PHF2: variants seen among roughly 807,000 people sequenced by gnomAD.
The protein encoded by PHF2 is PHD finger protein 2.
Under a neutral mutation model 120.5 loss-of-function variants are expected in PHF2, and 27 were observed. The observed-to-expected ratio is 0.22, with a 90% CI of 0.17 to 0.31. PHF2 has a LOEUF of 0.31. Among genes scored for constraint, PHF2 ranks in the 10% least tolerant of loss-of-function variants. PHF2 has a pLI of 1.00. For missense variants in PHF2, 1,024 were observed against 1,434.8 expected (o/e 0.71, Z 4.63); for synonymous variants, 568 against 592.5 (o/e 0.96, Z 0.60).
intron 5 of PHF2, among the ~76,000 whole-genome samples, chr9:93,652,717 TGACGTGGCCAGGG>T (rs1268882065): frequency 6.6e-6 from 1 of 152,234 alleles, no homozygotes; most frequent in East Asian, 1.9e-4. Flanking sequence ...GACAGTGACT[TGACGTGGCCAGGG>T]GTCGTGGGCA....
In PHF2 at chr9:93,630,244, C is replaced by T. The variant is rs376772871; in HGVS notation, c.184+189C>T. On this transcript the variant is annotated intron_variant, in intron 2 of 21. Coordinates refer to ENST00000359246, the MANE Select transcript of PHF2 (RefSeq NM_005392.4). Reference sequence around the variant, plus strand: ...ACTGTCCCCTGTAGCCTCACTAGGCCCACTGTAGCCCCTCCTGATCAGCTC... The same window carrying T: ...ACTGTCCCCTGTAGCCTCACTAGGCTCACTGTAGCCCCTCCTGATCAGCTC... Among the ~76,000 whole-genome samples the T allele has an allele frequency of 2.0e-4, 30 of 152,316 alleles. No homozygotes were observed. In the South Asian group the frequency reaches 4.6e-3, roughly 23 times the overall value.
At chr9:93,584,801 G>T (rs559940046) in intron 1 of PHF2, among the ~76,000 whole-genome samples, 2 of 152,194 alleles carry the variant, frequency 1.3e-5, no homozygotes, top group African/African-American at 2.4e-5. Flanking sequence ...TTTTGATAGG[G>T]ATTGTGTTCA....
chr9:93,652,936 TCA>T (rs2117929533), intron 5 of PHF2, among the ~76,000 whole-genome samples: 2 of 152,310 alleles, frequency 1.3e-5, no homozygotes, highest in South Asian at 4.1e-4. Flanking sequence ...TGGGGCCTTC[TCA>T]TTATCTTCTG....
chr9:93,645,867 C>A, intron 4 of PHF2, 78 bp downstream of exon 4: 1 of 1,451,592 alleles, frequency 6.9e-7, no homozygotes, highest in Non-Finnish European at 9.2e-7. Flanking sequence ...CATGCTGTTT[C>A]CCCACGCCCT....
chr9:93,658,278 G>C (rs1001202277), intron 10 of PHF2, 42 bp downstream of exon 10: 1 of 1,499,996 alleles, frequency 6.7e-7, no homozygotes, highest in East Asian at 2.3e-5. Context: ...GGAGAGCAGT[G>C]ACAGGCGGGA....
chr9:93,621,421 G>A (rs984901880), intron 1 of PHF2, among the ~76,000 whole-genome samples: 3 of 152,232 alleles, frequency 2.0e-5, no homozygotes, highest in South Asian at 2.1e-4. Context: ...CAGCTGTCCT[G>A]GCCAAGGTGA....
chr9:93,585,923 C>T (rs1863034849), intron 1 of PHF2, among the ~76,000 whole-genome samples: 1 of 152,182 alleles, frequency 6.6e-6, no homozygotes, highest in African/African-American at 2.4e-5. Flanking sequence ...AGCTTGAGGC[C>T]CTTCCCTGCC....
chr9:93,625,625 G>A (rs181284316), intron 1 of PHF2, among the ~76,000 whole-genome samples: 183 of 151,976 alleles, frequency 1.2e-3, no homozygotes, highest in African/African-American at 4.1e-3. Flanking sequence ...CCACAGGTAT[G>A]TGTCACCATG....
At chr9:93,594,036 A>G (rs763719642) in intron 1 of PHF2, among the ~76,000 whole-genome samples, 1 of 152,168 alleles carries the variant, frequency 6.6e-6, no homozygotes, top group African/African-American at 2.4e-5. Context: ...GATTTTATGG[A>G]CTGTGGGTTT....
intron 5 of PHF2, among the ~76,000 whole-genome samples, chr9:93,651,337 G>A (rs2117917780): frequency 6.6e-6 from 1 of 152,338 alleles, no homozygotes. Flanking sequence ...ACTTTGGCCT[G>A]TGGTTTTCTG....
Position 93,663,950 on chromosome 9 carries a change from C to G in PHF2, c.1937+315C>G, listed in dbSNP as rs556114674. ...GGCCTAGACACCAGCAGAGCCACAT[C>G]CCTGCCTCCCACCACGCTCCACCTG... On this transcript the variant is annotated intron_variant, in intron 14 of 21. Coordinates refer to ENST00000359246, the MANE Select transcript of PHF2 (RefSeq NM_005392.4). 1.8e-3 allele frequency among the ~76,000 whole-genome samples: 272 copies of G among 152,340 alleles called. 2 individuals carry two copies. The highest frequency in any genetic ancestry group is 6.3e-3 in the African/African-American group (263 of 41,570).
intron 1 of PHF2, among the ~76,000 whole-genome samples, chr9:93,624,579 GGTGATGACAACGGTCGTT>G (rs1825877186): frequency 1.3e-5 from 2 of 151,874 alleles, no homozygotes; most frequent in African/African-American, 4.8e-5. Flanking sequence ...TGGCGATGTT[GGTGATGACAACGGTCGTT>G]GTGATGATGA....
At chr9:93,645,492 C>A in intron 3 of PHF2, 137 bp from the exon 4 acceptor site, 1 of 864,466 alleles carries the variant, frequency 1.2e-6, no homozygotes, top group Non-Finnish European at 1.7e-6. Flanking sequence ...GCACCACGGC[C>A]AGGCCTCCTC....
At chr9:93,597,405 C>T (rs1442905087) in intron 1 of PHF2, among the ~76,000 whole-genome samples, 1 of 152,106 alleles carries the variant, frequency 6.6e-6, no homozygotes, top group Non-Finnish European at 1.5e-5. Context: ...GACCCTTGGG[C>T]CACTGGGCTT....
chr9:93,658,926 C>T lies in PHF2; in HGVS notation c.1240-585C>T, dbSNP rs74842678. On this transcript the variant is annotated intron_variant, in intron 10 of 21. Coordinates refer to ENST00000359246, the MANE Select transcript of PHF2 (RefSeq NM_005392.4). ...GGGAGGGGAAGGTCTGGCCCAGCCT[C>T]GAGCACCCTCTGGGACAGTGTTTCC... Among the ~76,000 whole-genome samples, 4 of 152,166 alleles carry T rather than the reference C, an allele frequency of 2.6e-5. No individual in the cohort carries two copies. In the East Asian group the frequency reaches 5.8e-4, roughly 22 times the overall value.
At position 93,598,376 on chromosome 9, in the gene PHF2, C is replaced by T. The variant is rs139693026; in HGVS notation, c.98+21505C>T. Among the ~76,000 whole-genome samples the T allele has an allele frequency of 4.2e-3, 635 of 152,308 alleles. 8 individuals are homozygous for T. The highest frequency in any genetic ancestry group is 0.015 in the African/African-American group (613 of 41,564). ...CATCAGGACCTTGGTTCTCATCCTA[C>T]CAGAGGATGGCAGTCCAGAGGGACA... On this transcript the variant is annotated intron_variant, in intron 1 of 21. Transcript: ENST00000359246.
At chr9:93,633,017 A>T (rs1030177596) in intron 2 of PHF2, among the ~76,000 whole-genome samples, 1 of 152,022 alleles carries the variant, frequency 6.6e-6, no homozygotes, top group Non-Finnish European at 1.5e-5. Context: ...TAAGAGGGCC[A>T]CTCTGTGTCC....
intron 5 of PHF2, among the ~76,000 whole-genome samples, chr9:93,649,790 GAT>G (rs1826332073): frequency 6.6e-6 from 1 of 151,950 alleles, no homozygotes; most frequent in South Asian, 2.1e-4. Context: ...CTCACCCATA[GAT>G]ATGTCACACA....
Position 93,663,292 on chromosome 9 carries a change from A to G in PHF2, c.1819-225A>G, listed in dbSNP as rs184222853. Reference sequence around the variant, plus strand: ...CAGTGTTTCCCTTCACGGTCCACACACTGGTTTTCATTCCCACTCCATGGG... The same window carrying G: ...CAGTGTTTCCCTTCACGGTCCACACGCTGGTTTTCATTCCCACTCCATGGG... On this transcript the variant is annotated intron_variant, in intron 13 of 21. Coordinates refer to ENST00000359246, the MANE Select transcript of PHF2 (RefSeq NM_005392.4). 9.2e-5 allele frequency among the ~76,000 whole-genome samples: 14 copies of G among 152,240 alleles called. No individual in the cohort carries two copies. The East Asian group carries it at 2.5e-3, about 27-fold the overall frequency.
Sources: gnomAD v4.1 joint callset for allele counts (sites outside exome capture counted in the v4.1 genomes callset) on GRCh38, gnomAD v4.1.1 for gene constraint, MANE v1.5 for transcripts, NCBI Gene and HGNC (gene_info 2026-07-23, HGNC 2026-07-21) for gene names.